SCAI: variants seen among roughly 807,000 people sequenced by gnomAD.
The protein encoded by SCAI is suppressor of cancer cell invasion.
Under a neutral mutation model 92.2 loss-of-function variants are expected in SCAI, and 24 were observed. The observed-to-expected ratio is 0.26, with a 90% CI of 0.19 to 0.37. SCAI has a LOEUF of 0.37. Among genes scored for constraint, SCAI ranks in the 10% least tolerant of loss-of-function variants. The pLI is 1.00. For missense variants in SCAI, 450 were observed against 736.2 expected, an observed-to-expected ratio of 0.61 and a Z score of 4.50; for synonymous variants, 261 against 258.6, an observed-to-expected ratio of 1.01 and a Z score of -0.09.
intron 14 of SCAI, among the ~76,000 whole-genome samples, chr9:124,992,415 ACT>A (rs1588137720): frequency 6.8e-6 from 1 of 147,798 alleles, no homozygotes; most frequent in African/African-American, 2.5e-5. Context: ...ACAGAATCTC[ACT>A]CTGTCACCCA....
intron 17 of SCAI, among the ~76,000 whole-genome samples, chr9:124,957,147 A>G (rs1831329222): frequency 6.6e-6 from 1 of 151,986 alleles, no homozygotes; most frequent in Non-Finnish European, 1.5e-5. Flanking sequence ...ATGTGCCACC[A>G]CAGCCCAAGT....
chr9:125,143,322 C>T, intron 1 of SCAI, 63 bp downstream of exon 1: 3 of 1,058,576 alleles, frequency 2.8e-6, no homozygotes, highest in Non-Finnish European at 3.7e-6. Context: ...GAGCCGCTGC[C>T]CCTGGGCCCG....
At chr9:125,139,452 A>T (rs2131276860) in intron 2 of SCAI, among the ~76,000 whole-genome samples, 1 of 152,298 alleles carries the variant, frequency 6.6e-6, no homozygotes, top group East Asian at 1.9e-4. Context: ...CCTAAAAACA[A>T]AAAACCAAAG....
chr9:125,100,986 A>C (rs1212726488), intron 2 of SCAI, among the ~76,000 whole-genome samples: 1 of 152,154 alleles, frequency 6.6e-6, no homozygotes. Context: ...GCTATTCAGG[A>C]GGCTGAAAAG....
chr9:125,027,523 A>T lies in SCAI; in HGVS notation c.414-613T>A, dbSNP rs572191173. 8.1e-4 allele frequency among the ~76,000 whole-genome samples: 123 copies of T among 151,848 alleles called. 2 individuals carry two copies. Among genetic ancestry groups the T allele is most frequent in the African/African-American group, 2.4e-3 (99 of 41,412 alleles). On this transcript the variant is annotated intron_variant, in intron 5 of 17. Coordinates refer to ENST00000336505, the MANE Select transcript of SCAI (RefSeq NM_001144877.3). ...CTTTTCTTTTCTTTTCTTTTTTCTA[A>T]TTTTTTATTTTTTGAGACAGAGTTT...
chr9:125,137,261 A>C (rs1835559351), intron 2 of SCAI, among the ~76,000 whole-genome samples: 1 of 152,184 alleles, frequency 6.6e-6, no homozygotes, highest in South Asian at 2.1e-4. Flanking sequence ...CATGATCAGG[A>C]TCTAACCTAA....
At chr9:124,977,398 G>GGCCC (rs5900640) in intron 14 of SCAI, among the ~76,000 whole-genome samples, 46,106 of 151,894 alleles carry the variant, frequency 0.3, 8,075 homozygotes, top group Non-Finnish European at 0.39. Flanking sequence ...ACCTCAGTGA[G>GGCCC]GCCCGGCACA....
At chr9:125,059,275 A>G (rs588818) in intron 2 of SCAI, among the ~76,000 whole-genome samples, 36,811 of 152,106 alleles carry the variant, frequency 0.24, 4,877 homozygotes, top group East Asian at 0.31. Flanking sequence ...TCTACAAAAT[A>G]ACCAACCTGT....
chr9:125,032,192 TATA>T (rs1305698472), intron 3 of SCAI, among the ~76,000 whole-genome samples: 24 of 74,818 alleles, frequency 3.2e-4, no homozygotes, highest in African/African-American at 6.4e-4. Context: ...TATATATATA[TATA>T]TTTTTTTTTT....
chr9:124,999,139 A>C (rs1198202333), intron 13 of SCAI, among the ~76,000 whole-genome samples: 1 of 151,882 alleles, frequency 6.6e-6, no homozygotes, highest in Non-Finnish European at 1.5e-5. Flanking sequence ...CTGTAATCCC[A>C]ACACTTTGGG....
chr9:124,973,694 G>GC (rs1831702301), intron 15 of SCAI, among the ~76,000 whole-genome samples: 1 of 152,168 alleles, frequency 6.6e-6, no homozygotes, highest in Non-Finnish European at 1.5e-5. Context: ...GGGAGTGGTG[G>GC]CGAGCGCCTG....
At chr9:124,962,674 T>C (rs1157074876) in intron 17 of SCAI, among the ~76,000 whole-genome samples, 1 of 152,212 alleles carries the variant, frequency 6.6e-6, no homozygotes, top group East Asian at 1.9e-4. Flanking sequence ...CCTTGATCTA[T>C]GGTACATATC....
At chr9:125,016,387 C>CAATA (rs77877356) in intron 9 of SCAI, among the ~76,000 whole-genome samples, 67,451 of 131,342 alleles carry the variant, frequency 0.51, 17,792 homozygotes, top group Middle Eastern at 0.6. Context: ...GACTCTGTCT[C>CAATA]AATAAATAAA....
chr9:124,993,576 G>A (rs867148394), intron 14 of SCAI, among the ~76,000 whole-genome samples: 1 of 152,048 alleles, frequency 6.6e-6, no homozygotes, highest in Non-Finnish European at 1.5e-5. Context: ...GGAAACGAGC[G>A]AAACTCTGTC....
chr9:125,001,520 A>C (rs1023374730), intron 12 of SCAI, among the ~76,000 whole-genome samples: 11 of 152,228 alleles, frequency 7.2e-5, no homozygotes, highest in African/African-American at 2.2e-4. Flanking sequence ...CACAGTTACG[A>C]AAGTACACTG....
intron 14 of SCAI, among the ~76,000 whole-genome samples, chr9:124,979,735 T>C (rs1453157466): frequency 6.6e-6 from 1 of 152,038 alleles, no homozygotes; most frequent in Non-Finnish European, 1.5e-5. Context: ...ACTTTGTGAA[T>C]GTAATACCAG....
chr9:125,088,075 A>G (rs925367781), intron 2 of SCAI, among the ~76,000 whole-genome samples: 3 of 152,196 alleles, frequency 2.0e-5, no homozygotes, highest in African/African-American at 7.2e-5. Context: ...TGATACGTCA[A>G]TAGAATGGTC....
At chr9:125,127,088 C>T (rs1024996310) in intron 2 of SCAI, among the ~76,000 whole-genome samples, 1 of 141,412 alleles carries the variant, frequency 7.1e-6, no homozygotes, top group South Asian at 2.2e-4. Context: ...CTTCAGAATC[C>T]ACAAAAAGGG....
At chr9:125,022,026 A>C (rs1376358164) in intron 6 of SCAI, among the ~76,000 whole-genome samples, 2 of 152,178 alleles carry the variant, frequency 1.3e-5, no homozygotes, top group Non-Finnish European at 2.9e-5. Flanking sequence ...TTTTCATATA[A>C]GTTTGAAAAT....
Sources: allele counts gnomAD v4.1 joint callset (sites outside exome capture counted in the v4.1 genomes callset), GRCh38; gene constraint gnomAD v4.1.1; transcripts MANE v1.5; gene names NCBI Gene and HGNC (gene_info 2026-07-23, HGNC 2026-07-21).